Variants in ARB2A observed in about 807,000 individuals in gnomAD.
The protein encoded by ARB2A is cotranscriptional regulator ARB2A.
the ARB2A span, among the ~76,000 whole-genome samples, chr5:93,913,164 CCA>C: frequency 1.1e-3 from 168 of 151,914 alleles, no homozygotes; most frequent in African/African-American, 3.9e-3. Flanking sequence ...CTCTGATTCC[CCA>C]CACTTAATCT....
the ARB2A span, among the ~76,000 whole-genome samples, chr5:93,649,293 A>T: frequency 6.6e-6 from 1 of 152,176 alleles, no homozygotes; most frequent in Non-Finnish European, 1.5e-5. Flanking sequence ...ACTCTGGACA[A>T]AATATAAAAG....
the ARB2A span, among the ~76,000 whole-genome samples, chr5:93,995,764 T>C: frequency 6.6e-6 from 1 of 152,188 alleles, no homozygotes; most frequent in African/African-American, 2.4e-5. Context: ...TACTGTATTG[T>C]GCACTTAAAA....
At chr5:93,940,159 A>G in the ARB2A span, among the ~76,000 whole-genome samples, 18 of 152,220 alleles carry the variant, frequency 1.2e-4, no homozygotes, top group South Asian at 3.5e-3. Context: ...CTGAATGCAT[A>G]CTTATTAGTA....
At chr5:93,913,675 C>A in the ARB2A span, among the ~76,000 whole-genome samples, 1 of 152,002 alleles carries the variant, frequency 6.6e-6, no homozygotes, top group South Asian at 2.1e-4. Context: ...TAATAAAATT[C>A]CCAGACAACT....
At chr5:93,788,744 T>A in the ARB2A span, among the ~76,000 whole-genome samples, 1 of 152,224 alleles carries the variant, frequency 6.6e-6, no homozygotes, top group African/African-American at 2.4e-5. Flanking sequence ...GAGAGATGCC[T>A]TAATTTACTT....
chr5:93,779,114 T>A, the ARB2A span, among the ~76,000 whole-genome samples: 2 of 148,754 alleles, frequency 1.3e-5, no homozygotes, highest in African/African-American at 4.9e-5. Context: ...TGTGTGTGTG[T>A]GTGTGTGTGT....
chr5:93,818,585 A>G, the ARB2A span, among the ~76,000 whole-genome samples: 1 of 152,226 alleles, frequency 6.6e-6, no homozygotes, highest in Non-Finnish European at 1.5e-5. Flanking sequence ...GACTTATTTC[A>G]TAGACTGCCA....
the ARB2A span, among the ~76,000 whole-genome samples, chr5:93,952,131 T>C: frequency 6.6e-6 from 1 of 152,190 alleles, no homozygotes; most frequent in African/African-American, 2.4e-5. Flanking sequence ...AGAAACAGTA[T>C]TGTTAAAATG....
chr5:93,942,647 T>C, the ARB2A span, among the ~76,000 whole-genome samples: 3 of 151,640 alleles, frequency 2.0e-5, no homozygotes. Context: ...ATCACAATAA[T>C]CATATTTCAT....
the ARB2A span, among the ~76,000 whole-genome samples, chr5:93,642,779 C>CA: frequency 6.6e-6 from 1 of 152,276 alleles, no homozygotes; most frequent in East Asian, 1.9e-4. Flanking sequence ...CTTGGCCTCT[C>CA]AAAGTACTGG....
At chr5:93,760,600 T>C in the ARB2A span, among the ~76,000 whole-genome samples, 5,372 of 152,190 alleles carry the variant, frequency 0.035, 139 homozygotes, top group South Asian at 0.068. Context: ...TAAATTCAAA[T>C]ACTTACAGCC....
At chr5:93,882,576 A>T in the ARB2A span, among the ~76,000 whole-genome samples, 1 of 151,188 alleles carries the variant, frequency 6.6e-6, no homozygotes, top group African/African-American at 2.4e-5. Flanking sequence ...AACGTTTGAT[A>T]TTTATATTAT....
chr5:93,877,264 A>G, the ARB2A span, among the ~76,000 whole-genome samples: 1 of 152,202 alleles, frequency 6.6e-6, no homozygotes, highest in Non-Finnish European at 1.5e-5. Flanking sequence ...ACAGATCAGC[A>G]TCAAGTCACT....
the ARB2A span, among the ~76,000 whole-genome samples, chr5:93,669,990 T>G: frequency 1.3e-5 from 2 of 152,122 alleles, no homozygotes; most frequent in African/African-American, 4.8e-5. Flanking sequence ...CAATTTTCCC[T>G]CCCAAACCTG....
At chr5:94,103,122 C>T in the ARB2A span, among the ~76,000 whole-genome samples, 1 of 151,948 alleles carries the variant, frequency 6.6e-6, no homozygotes, top group Non-Finnish European at 1.5e-5. Context: ...ATTAAGTCTA[C>T]ATAACAAGCA....
At chr5:93,983,521 T>G in the ARB2A span, among the ~76,000 whole-genome samples, 39 of 151,690 alleles carry the variant, frequency 2.6e-4, 1 homozygote, top group African/African-American at 9.0e-4. Context: ...ATAAATAAAG[T>G]AAAAGGGAAG....
chr5:93,976,788 T>C, the ARB2A span, among the ~76,000 whole-genome samples: 2 of 152,128 alleles, frequency 1.3e-5, no homozygotes, highest in African/African-American at 4.8e-5. Flanking sequence ...TACTACAGCA[T>C]CTAAATAGGA....
At chr5:93,897,331 G>C in the ARB2A span, among the ~76,000 whole-genome samples, 1 of 151,836 alleles carries the variant, frequency 6.6e-6, no homozygotes, top group African/African-American at 2.4e-5. Context: ...TATAGATAAG[G>C]GGTGGGATCT....
the ARB2A span, among the ~76,000 whole-genome samples, chr5:94,022,169 GAGCAAC>G: frequency 6.6e-6 from 1 of 152,142 alleles, no homozygotes; most frequent in Non-Finnish European, 1.5e-5. Context: ...ACTCCAGCTT[GAGCAAC>G]AGCAAGACTC....
Sources: allele counts gnomAD v4.1 joint callset (sites outside exome capture counted in the v4.1 genomes callset), GRCh38; gene constraint gnomAD v4.1.1; transcripts MANE v1.5; gene names NCBI Gene and HGNC (gene_info 2026-07-23, HGNC 2026-07-21).